SARM1: variants seen among roughly 807,000 people sequenced by gnomAD.
SARM1 encodes sterile alpha and TIR motif containing 1, also known as NAD(+) hydrolase SARM1.
SARM1 carries 60 observed loss-of-function variants against 65.1 expected under a neutral mutation model. The ratio of observed to expected loss-of-function variants is 0.92; its 90% CI spans 0.75 to 1.14. SARM1 has a LOEUF of 1.14. Ranked by LOEUF, SARM1 falls within the 50% of genes most tolerant of loss-of-function variation. The probability of loss-of-function intolerance (pLI) is 0.00; values close to 1 mark genes in which losing one functional copy is unlikely to be tolerated. For synonymous variants in SARM1, 417 were observed against 465.4 expected, an observed-to-expected ratio of 0.90 and a Z score of 1.34; for missense variants, 913 against 1,015.7, an observed-to-expected ratio of 0.90 and a Z score of 1.37.
In SARM1 at chr17:28,384,341, C is replaced by A. The variant is rs373638981; in HGVS notation, c.1090-16C>A. 1 of 1,557,300 alleles carries A rather than the reference C, an allele frequency of 6.4e-7. No individual in the cohort carries two copies. ...AGCTGGTGGGACCTACAGCCCTCTCCCCACTCCCTCCCTAGGTGTTCAGCG... is the reference window on the plus strand; with the variant it reads ...AGCTGGTGGGACCTACAGCCCTCTCACCACTCCCTCCCTAGGTGTTCAGCG... On this transcript the variant is annotated splice_polypyrimidine_tract_variant and intron_variant, in intron 2 of 8. Coordinates refer to ENST00000585482, the MANE Select transcript of SARM1 (RefSeq NM_015077.4). This position sits in a 1 kb window ranked among gnomAD's most constrained non-coding sequence, Gnocchi z 4.4.
chr17:28,391,727 A>AAAAG (rs1555586923), intron 7 of SARM1, among the ~76,000 whole-genome samples: 58 of 117,058 alleles, frequency 5.0e-4, no homozygotes, highest in East Asian at 1.2e-3. Context: ...AAAAAAAAAA[A>AAAAG]AGAGAGAGAG....
chr17:28,380,089 T>TTA (rs1555585015), intron 1 of SARM1, among the ~76,000 whole-genome samples: 1 of 150,538 alleles, frequency 6.6e-6, no homozygotes, highest in Non-Finnish European at 1.5e-5. Context: ...TCTCTCTCTT[T>TTA]TTTTTTTTTT....
intron 1 of SARM1, among the ~76,000 whole-genome samples, chr17:28,379,931 TC>T (rs1251522190): frequency 6.6e-6 from 1 of 152,222 alleles, no homozygotes; most frequent in Non-Finnish European, 1.5e-5. Flanking sequence ...ATTTTGGATT[TC>T]CTCTTGTCAA....
rs1188204530 is a variant in SARM1, at chr17:28,400,420, C to T, written c.*4134C>T. 1.5e-6 allele frequency: 1 copy of T among 660,064 alleles called. No individual in the cohort carries two copies. Among genetic ancestry groups the T allele is most frequent in the Admixed American group, 3.0e-5 (1 of 33,878 alleles). The allele number at this position is 660,064 out of a possible 1,614,324, so 40.9% of individuals were successfully genotyped here. Reference sequence around the variant, plus strand: ...CCTGATCCTTCCTCCACCTAGCTCGCCATCTCGCCCTTGGAAAATGGCTCC... The same window carrying T: ...CCTGATCCTTCCTCCACCTAGCTCGTCATCTCGCCCTTGGAAAATGGCTCC... On this transcript the variant is annotated 3_prime_UTR_variant, in exon 9 of 9. Coordinates refer to ENST00000585482, the MANE Select transcript of SARM1 (RefSeq NM_015077.4).
chr17:28,377,218 T>G (rs2067996964), intron 1 of SARM1, among the ~76,000 whole-genome samples: 1 of 152,206 alleles, frequency 6.6e-6, no homozygotes, highest in South Asian at 2.1e-4. Flanking sequence ...GGTTCAAATC[T>G]CAGCTGTGCC....
rs531197061 is a variant in SARM1 at position 28,398,963 on chromosome 17, C to T, written c.*2677C>T. On this transcript the variant is annotated 3_prime_UTR_variant, in exon 9 of 9. Transcript: ENST00000585482. ...TGCCCAGCCCAGCAGCTTCTGTTGT[C>T]TAACGTATGGCAGGCAGACTGGGAG... 15 of 152,472 alleles carry T rather than the reference C, an allele frequency of 9.8e-5. No homozygotes were observed. Among genetic ancestry groups the T allele is most frequent in the African/African-American group, 3.6e-4 (15 of 41,570 alleles). The allele number at this position is 152,472 out of a possible 1,614,324, so 9.4% of individuals were successfully genotyped here.
intron 7 of SARM1, among the ~76,000 whole-genome samples, chr17:28,389,748 C>T (rs1044648961): frequency 2.6e-5 from 4 of 152,198 alleles, no homozygotes; most frequent in South Asian, 2.1e-4. Context: ...ATTAGCCAGG[C>T]ATGGTGGCGC....
rs531805631 is a variant in SARM1 at position 28,392,253 on chromosome 17, A to T, written c.1924-3652A>T. On this transcript the variant is annotated intron_variant, in intron 7 of 8. Transcript: ENST00000585482. Reference sequence around the variant, plus strand: ...CAGCCTCCTGAGTAGCTGGGACTACAGGCACACGCCACCATATCCAGCTAA... The same window carrying T: ...CAGCCTCCTGAGTAGCTGGGACTACTGGCACACGCCACCATATCCAGCTAA... Among the ~76,000 whole-genome samples the T allele has an allele frequency of 7.9e-5, 12 of 151,910 alleles. No homozygotes were observed. The East Asian group carries it at 2.3e-3, about 29-fold the overall frequency.
At chr17:28,391,471 C>A (rs2068079198) in intron 7 of SARM1, among the ~76,000 whole-genome samples, 1 of 152,066 alleles carries the variant, frequency 6.6e-6, no homozygotes, top group African/African-American at 2.4e-5. Context: ...TGGAGTCAAG[C>A]CCCAGAGGCC....
Position 28,372,820 on chromosome 17 carries a change from C to T in SARM1, c.470+318C>T, listed in dbSNP as rs1337566818. Among the ~76,000 whole-genome samples the T allele has an allele frequency of 6.6e-6, 1 of 152,156 alleles. No homozygotes were observed. The highest frequency in any genetic ancestry group is 1.5e-5 in the Non-Finnish European group (1 of 68,024). ...GCATCCTATTGCCAATTCTCCCTCT[C>T]CCCCGCCCCCCAAGCCCACAGCTCT... On this transcript the variant is annotated intron_variant, in intron 1 of 8. Coordinates refer to ENST00000585482, the MANE Select transcript of SARM1 (RefSeq NM_015077.4). This position sits in a 1 kb window ranked among gnomAD's most constrained non-coding sequence, Gnocchi z 5.2.
At chr17:28,374,043 G>C (rs890891857) in intron 1 of SARM1, 55 of 151,844 alleles carry the variant, frequency 3.6e-4, no homozygotes, top group African/African-American at 1.3e-3. Context: ...CAGGCGGGTG[G>C]ATCACCTGAG....
rs1555586431 is a variant in SARM1 at position 28,388,501 on chromosome 17, T to C, written c.1885T>C (p.Cys629Arg). Reference protein sequence around the residue: ...LVLSPGALDKCMQDHDCKDWV... With the variant: ...LVLSPGALDKRMQDHDCKDWV... ...GCTATCACCTGGAGCACTGGACAAG[T>C]GCATGCAAGACCATGACTGCAAGGA... The change falls in exon 7 of 9, where the codon TGC (cysteine) becomes CGC (arginine). Residue 629 changes from cysteine (C) to arginine (R), a missense_variant. Around this residue, in one of 3 missense-constraint regions of SARM1, gnomAD observed 862 missense variants for 952.1 expected, o/e 0.91. Transcript: ENST00000585482. 6.2e-7 allele frequency: 1 copy of C among 1,613,858 alleles called. No homozygotes were observed. The highest frequency in any genetic ancestry group is 1.7e-5 in the Admixed American group (1 of 60,024).
chr17:28,372,574 C>A lies in SARM1; in HGVS notation c.470+72C>A. 8.0e-7 allele frequency: 1 copy of A among 1,245,460 alleles called. No homozygotes were observed. 77.2% of individuals were successfully genotyped at this position (1,245,460 alleles called of 1,614,324 possible). ...AGTTAAGCGCCTGCGTTCCCGTGTG[C>A]CTTGCGCCGTGCCTTTGCCTCCCTC... On this transcript the variant is annotated intron_variant, in intron 1 of 8. Transcript: ENST00000585482. This position sits in a 1 kb window ranked among gnomAD's most constrained non-coding sequence, Gnocchi z 5.2.
Position 28,384,701 on chromosome 17 carries a change from A to C in SARM1, c.1302+132A>C, listed in dbSNP as rs1194936935. 1.2e-5 allele frequency: 14 copies of C among 1,157,282 alleles called. No homozygotes were observed. Among genetic ancestry groups the C allele is most frequent in the Non-Finnish European group, 1.7e-5 (14 of 818,346 alleles). 71.7% of individuals were successfully genotyped at this position (1,157,282 alleles called of 1,614,324 possible). ...GGGGGCGGGGAGCCTGTACGCAGCC[A>C]CCGTTAGGGTCACTCGGCTCTGATC... is the stretch of plus-strand genomic sequence containing the variant. On this transcript the variant is annotated intron_variant, in intron 3 of 8. Coordinates refer to ENST00000585482, the MANE Select transcript of SARM1 (RefSeq NM_015077.4). This position sits in a 1 kb window ranked among gnomAD's most constrained non-coding sequence, Gnocchi z 4.4.
At position 28,402,180 on chromosome 17, in the gene SARM1, C is replaced by A. The variant is rs1388099017; in HGVS notation, c.*5894C>A. On this transcript the variant is annotated 3_prime_UTR_variant, in exon 9 of 9. Transcript: ENST00000585482. ...TCCCCCAGCCATGGCTGCCCATCAG[C>A]CCGTTTCGGGCAGCACTGGACATGA... 1.8e-5 allele frequency: 26 copies of A among 1,471,756 alleles called. No individual in the cohort carries two copies. The highest frequency in any genetic ancestry group is 2.3e-5 in the Non-Finnish European group (25 of 1,075,006). 91.2% of individuals were successfully genotyped at this position (1,471,756 alleles called of 1,614,324 possible).
intron 7 of SARM1, among the ~76,000 whole-genome samples, chr17:28,392,718 C>T (rs959684409): frequency 1.3e-5 from 2 of 152,032 alleles, no homozygotes; most frequent in Non-Finnish European, 2.9e-5. Flanking sequence ...TGGAGCGGCT[C>T]CCCAGGAAGC....
In SARM1 at chr17:28,397,423, C is replaced by T. The variant is rs2068140299; in HGVS notation, c.*1137C>T. The T allele has an allele frequency of 6.6e-6, 1 of 152,186 alleles. No individual in the cohort carries two copies. Among genetic ancestry groups the T allele is most frequent in the African/African-American group, 2.4e-5 (1 of 41,412 alleles). The allele number at this position is 152,186 out of a possible 1,614,324, so 9.4% of individuals were successfully genotyped here. ...GCCCTCACAAATCTTTGCCATTTCC[C>T]AAACACTCCGCTCCATGGTCTCCAG... On this transcript the variant is annotated 3_prime_UTR_variant, in exon 9 of 9. Coordinates refer to ENST00000585482, the MANE Select transcript of SARM1 (RefSeq NM_015077.4).
Position 28,390,606 on chromosome 17 carries a change from C to A in SARM1, c.1923+2067C>A, listed in dbSNP as rs902021982. On this transcript the variant is annotated intron_variant, in intron 7 of 8. Coordinates refer to ENST00000585482, the MANE Select transcript of SARM1 (RefSeq NM_015077.4). ...ACGCTATATAGGGTTAAAATTAAAA[C>A]CTCCTCCGATAAGACTTTATGGTTT... 3.3e-5 allele frequency among the ~76,000 whole-genome samples: 5 copies of A among 152,110 alleles called. No individual in the cohort carries two copies. The East Asian group carries it at 7.7e-4, about 24-fold the overall frequency.
At chr17:28,386,557 G>A (rs368012215) in intron 5 of SARM1, 61 of 152,152 alleles carry the variant, frequency 4.0e-4, no homozygotes, top group African/African-American at 1.4e-3. Flanking sequence ...TGAGGGTTAT[G>A]TCTAAATATT....
Sources: gnomAD v4.1 joint callset for allele counts (sites outside exome capture counted in the v4.1 genomes callset) on GRCh38, gnomAD v4.1.1 for gene constraint, gnomAD v4.1.1 regional missense constraint, Gnocchi (gnomAD v3.1) non-coding constraint, MANE v1.5 for transcripts, NCBI Gene and HGNC (gene_info 2026-07-23, HGNC 2026-07-21) for gene names.